KCNMA1: variants seen among roughly 807,000 people sequenced by gnomAD.
The protein encoded by KCNMA1 is potassium calcium-activated channel subfamily M alpha 1.
Under a neutral mutation model 140.0 loss-of-function variants are expected in KCNMA1, and 29 were observed. The observed-to-expected ratio is 0.21, with a 90% CI of 0.15 to 0.28. The LOEUF is 0.28. Ranked by LOEUF, KCNMA1 falls within the 10% of genes least tolerant of loss-of-function variation. The pLI is 1.00. For synonymous variants in KCNMA1, 612 were observed against 611.9 expected, an observed-to-expected ratio of 1.00 and a Z score of 0.00; for missense variants, 880 against 1,602.2, an observed-to-expected ratio of 0.55 and a Z score of 7.70.
At chr10:77,516,008 A>C (rs2050280698) in intron 1 of KCNMA1, among the ~76,000 whole-genome samples, 1 of 152,148 alleles carries the variant, frequency 6.6e-6, no homozygotes, top group Admixed American at 6.5e-5. Context: ...TCCACACAGA[A>C]CTGAACCAGC....
chr10:77,563,719 C>T (rs74623366), intron 1 of KCNMA1, among the ~76,000 whole-genome samples: 2,233 of 152,314 alleles, frequency 0.015, 61 homozygotes, highest in African/African-American at 0.051. Flanking sequence ...CACAGATCCC[C>T]CTCTTGCCCT....
chr10:77,224,605 C>T (rs541926469), intron 3 of KCNMA1, among the ~76,000 whole-genome samples: 5 of 152,276 alleles, frequency 3.3e-5, no homozygotes, highest in Admixed American at 6.5e-5. Context: ...CAGCTCCTTC[C>T]GGCAGCTCTT....
intron 15 of KCNMA1, among the ~76,000 whole-genome samples, chr10:77,034,014 G>C (rs895198730): frequency 6.6e-6 from 1 of 152,108 alleles, no homozygotes; most frequent in Non-Finnish European, 1.5e-5. Flanking sequence ...GGCCAAGGTG[G>C]GTGGATCGCC....
At chr10:76,936,641 G>T (rs994547314) in intron 23 of KCNMA1, among the ~76,000 whole-genome samples, 12 of 152,258 alleles carry the variant, frequency 7.9e-5, no homozygotes, top group Admixed American at 7.8e-4. Flanking sequence ...TCAAGGAGGG[G>T]AAATGTGTGT....
chr10:77,270,930 T>C (rs1051441058), intron 2 of KCNMA1, among the ~76,000 whole-genome samples: 4 of 152,216 alleles, frequency 2.6e-5, no homozygotes, highest in African/African-American at 9.6e-5. Flanking sequence ...ATAATATTAG[T>C]GTGTAAAGTG....
intron 14 of KCNMA1, among the ~76,000 whole-genome samples, chr10:77,057,192 T>C (rs1473538192): frequency 2.0e-5 from 3 of 152,122 alleles, no homozygotes; most frequent in African/African-American, 7.2e-5. Flanking sequence ...GAAAAATGAC[T>C]CATTACTTAT....
chr10:77,627,660 G>C (rs1402527580), intron 1 of KCNMA1, among the ~76,000 whole-genome samples: 1 of 152,200 alleles, frequency 6.6e-6, no homozygotes, highest in Non-Finnish European at 1.5e-5. Flanking sequence ...GTCCCTTCCT[G>C]AACTGGATTT....
chr10:77,052,850 T>C (rs1285834926), intron 14 of KCNMA1, among the ~76,000 whole-genome samples: 1 of 152,142 alleles, frequency 6.6e-6, no homozygotes, highest in East Asian at 1.9e-4. Flanking sequence ...AAGCAAGTTA[T>C]AAAATATCTG....
At chr10:77,172,766 C>A (rs2098719609) in intron 5 of KCNMA1, among the ~76,000 whole-genome samples, 1 of 151,660 alleles carries the variant, frequency 6.6e-6, no homozygotes, top group Admixed American at 6.6e-5. Context: ...TAACAAAATA[C>A]CTTAGACTGG....
At chr10:77,313,392 A>G (rs572171253) in intron 2 of KCNMA1, among the ~76,000 whole-genome samples, 1 of 152,246 alleles carries the variant, frequency 6.6e-6, no homozygotes, top group South Asian at 2.1e-4. Flanking sequence ...GCCACTCACG[A>G]CAGAGTCCAT....
intron 5 of KCNMA1, among the ~76,000 whole-genome samples, chr10:77,174,183 C>T (rs1597896140): frequency 1.3e-5 from 2 of 152,082 alleles, no homozygotes; most frequent in East Asian, 3.8e-4. Flanking sequence ...CTACTGAGTC[C>T]TTAAGTATAT....
At chr10:77,480,936 C>T (rs1309068856) in intron 1 of KCNMA1, among the ~76,000 whole-genome samples, 1 of 149,220 alleles carries the variant, frequency 6.7e-6, no homozygotes, top group Non-Finnish European at 1.5e-5. Flanking sequence ...ATGGTGAAAT[C>T]CTGTCTCTAC....
At chr10:77,134,892 G>C (rs1339028975) in intron 5 of KCNMA1, among the ~76,000 whole-genome samples, 2 of 149,412 alleles carry the variant, frequency 1.3e-5, no homozygotes, top group African/African-American at 4.9e-5. Flanking sequence ...CAGCTACTCG[G>C]CAGGCTGAGG....
At chr10:77,314,920 C>A (rs1287995932) in intron 2 of KCNMA1, among the ~76,000 whole-genome samples, 2 of 115,160 alleles carry the variant, frequency 1.7e-5, no homozygotes, top group Non-Finnish European at 3.3e-5. Context: ...CCACCACACC[C>A]CCAACACACA....
chr10:76,977,562 C>T, intron 19 of KCNMA1: 1 of 702,946 alleles, frequency 1.4e-6, no homozygotes, highest in Non-Finnish European at 2.6e-6. Context: ...AGAAAGTTTG[C>T]TGACCCCTGC....
At chr10:76,960,434 G>A (rs1477203810) in intron 20 of KCNMA1, among the ~76,000 whole-genome samples, 1 of 151,860 alleles carries the variant, frequency 6.6e-6, no homozygotes, top group African/African-American at 2.4e-5. Context: ...AGGTACTCAG[G>A]AGGCTGAGGC....
At chr10:77,353,790 G>A (rs866887543) in intron 2 of KCNMA1, among the ~76,000 whole-genome samples, 4 of 152,064 alleles carry the variant, frequency 2.6e-5, no homozygotes, top group East Asian at 3.8e-4. Flanking sequence ...ACATAAGAAC[G>A]CAATTACCTG....
chr10:77,395,626 G>C (rs930225808), intron 2 of KCNMA1, among the ~76,000 whole-genome samples: 1 of 152,214 alleles, frequency 6.6e-6, no homozygotes, highest in African/African-American at 2.4e-5. Context: ...TGGCAATCTC[G>C]AGGAGGGGGA....
At chr10:76,993,402 C>A (rs1379629199) in intron 19 of KCNMA1, among the ~76,000 whole-genome samples, 2 of 152,194 alleles carry the variant, frequency 1.3e-5, no homozygotes, top group Admixed American at 1.3e-4. Flanking sequence ...AGCTAGGAAT[C>A]ACAATGGCTG....
Sources: gnomAD v4.1 joint callset for allele counts (sites outside exome capture counted in the v4.1 genomes callset) on GRCh38, gnomAD v4.1.1 for gene constraint, MANE v1.5 for transcripts, NCBI Gene and HGNC (gene_info 2026-07-23, HGNC 2026-07-21) for gene names.